The following ANO3 variants were observed in gnomAD, a reference collection of about 807,000 sequenced individuals.
The protein encoded by ANO3 is anoctamin-3.
A neutral mutation model predicts 144.8 loss-of-function variants in ANO3; 99 were observed. The observed-to-expected ratio is 0.68, with a 90% CI of 0.58 to 0.81. The LOEUF (loss-of-function observed/expected upper bound fraction) is 0.81, where lower values mean the gene tolerates loss of function less well. Ranked by LOEUF, ANO3 falls within the 30% of genes least tolerant of loss-of-function variation. The pLI is 0.00. For synonymous variants in ANO3, 414 were observed against 392.6 expected, an observed-to-expected ratio of 1.05 and a Z score of -0.64; for missense variants, 905 against 1,202.2, an observed-to-expected ratio of 0.75 and a Z score of 3.66.
chr11:26,487,222 C>T (rs1860487278), intron 4 of ANO3, among the ~76,000 whole-genome samples: 1 of 152,160 alleles, frequency 6.6e-6, no homozygotes. Flanking sequence ...CCAGTCTTTC[C>T]CACGCTATTC....
chr11:26,486,425 T>A (rs1321073189), intron 4 of ANO3, among the ~76,000 whole-genome samples: 1 of 150,942 alleles, frequency 6.6e-6, no homozygotes, highest in Non-Finnish European at 1.5e-5. Context: ...ATTCTAAAAC[T>A]ATACATTTTT....
intron 3 of ANO3, among the ~76,000 whole-genome samples, chr11:26,445,430 C>T (rs1409686147): frequency 6.6e-6 from 1 of 152,136 alleles, no homozygotes; most frequent in East Asian, 1.9e-4. Context: ...GATGGCTTGC[C>T]ATTCCAAATA....
intron 14 of ANO3, chr11:26,565,336 G>A (rs769187642): frequency 6.2e-7 from 1 of 1,612,136 alleles, no homozygotes; most frequent in Non-Finnish European, 8.5e-7. Context: ...GGAGAAGTTG[G>A]TTCTGAAGAG....
chr11:26,576,270 A>G (rs935105407), intron 14 of ANO3, among the ~76,000 whole-genome samples: 1 of 152,214 alleles, frequency 6.6e-6, no homozygotes, highest in Admixed American at 6.5e-5. Context: ...AAAGAAAGTG[A>G]CACTACTTCT....
chr11:26,266,148 A>G (rs572367749), intron 1 of ANO3, among the ~76,000 whole-genome samples: 94 of 152,282 alleles, frequency 6.2e-4, no homozygotes, highest in Admixed American at 1.6e-3. Context: ...ATTATCTAGG[A>G]GGATTTTTTT....
In ANO3 at chr11:26,335,237, T is replaced by C. The variant is rs577935459; in HGVS notation, c.46+2916T>C. ...TGTGAAATGAAGATAATTATGTCTA[T>C]CTTGCAGAGTTATAAGGTGTTTAGC... On this transcript the variant is annotated intron_variant, in intron 1 of 26. Transcript: ENST00000256737. Among the ~76,000 whole-genome samples the C allele has an allele frequency of 1.9e-3, 283 of 152,330 alleles. 1 individual carries two copies. The highest frequency in any genetic ancestry group is 6.7e-3 in the African/African-American group (278 of 41,584).
At chr11:26,319,165 C>T (rs376058873) in intron 1 of ANO3, among the ~76,000 whole-genome samples, 6 of 140,126 alleles carry the variant, frequency 4.3e-5, no homozygotes, top group East Asian at 2.5e-4. Flanking sequence ...TTATTATTAT[C>T]GTTATTATTA....
intron 1 of ANO3, among the ~76,000 whole-genome samples, chr11:26,245,577 G>A (rs74865079): frequency 0.017 from 2,613 of 152,090 alleles, 59 homozygotes; most frequent in East Asian, 0.13. Context: ...TTTAATTAAA[G>A]TTAATATACA....
chr11:26,562,214 C>G (rs1043829880), intron 14 of ANO3, among the ~76,000 whole-genome samples: 6 of 151,802 alleles, frequency 4.0e-5, no homozygotes, highest in African/African-American at 7.2e-5. Flanking sequence ...AAGAATGGTA[C>G]TTTTTGTTTT....
chr11:26,252,658 C>T (rs1186516833), intron 1 of ANO3, among the ~76,000 whole-genome samples: 1 of 152,146 alleles, frequency 6.6e-6, no homozygotes, highest in Non-Finnish European at 1.5e-5. Context: ...GAACATCCCT[C>T]TCCCCCAACA....
At chr11:26,642,349 T>C (rs1471564351) in intron 22 of ANO3, among the ~76,000 whole-genome samples, 3 of 129,144 alleles carry the variant, frequency 2.3e-5, no homozygotes, top group Admixed American at 7.3e-5. Context: ...TTTCTTTTTT[T>C]TTTTTTTTTT....
At chr11:26,550,042 T>C (rs1255534259) in intron 12 of ANO3, among the ~76,000 whole-genome samples, 1 of 151,662 alleles carries the variant, frequency 6.6e-6, no homozygotes, top group African/African-American at 2.4e-5. Context: ...GATATCCCCA[T>C]ACAAGATGAA....
chr11:26,616,910 C>G (rs1852277997), intron 17 of ANO3, among the ~76,000 whole-genome samples: 1 of 151,976 alleles, frequency 6.6e-6, no homozygotes, highest in Non-Finnish European at 1.5e-5. Flanking sequence ...GTAGCTGGGA[C>G]TACAGGCGCA....
chr11:26,394,123 C>T (rs1856946014), intron 1 of ANO3, among the ~76,000 whole-genome samples: 1 of 152,140 alleles, frequency 6.6e-6, no homozygotes, highest in Non-Finnish European at 1.5e-5. Context: ...CCATAAGCCA[C>T]TTGGTTTTAT....
At chr11:26,373,656 T>C (rs1856325066) in intron 1 of ANO3, among the ~76,000 whole-genome samples, 2 of 152,214 alleles carry the variant, frequency 1.3e-5, no homozygotes, top group Non-Finnish European at 2.9e-5. Context: ...GTTGCAGATA[T>C]ATGTATCAGT....
At chr11:26,210,747 G>C (rs1851915344) in intron 1 of ANO3, among the ~76,000 whole-genome samples, 1 of 151,228 alleles carries the variant, frequency 6.6e-6, no homozygotes, top group Non-Finnish European at 1.5e-5. Context: ...TGTAGCAATT[G>C]TAAATGGGAG....
At chr11:26,443,326 G>A (rs1177630574) in intron 2 of ANO3, among the ~76,000 whole-genome samples, 1 of 152,134 alleles carries the variant, frequency 6.6e-6, no homozygotes, top group Non-Finnish European at 1.5e-5. Context: ...TTTAGGCCAG[G>A]CATGATGGCT....
intron 1 of ANO3, among the ~76,000 whole-genome samples, chr11:26,298,770 G>T (rs975325502): frequency 6.6e-6 from 1 of 152,180 alleles, no homozygotes; most frequent in Non-Finnish European, 1.5e-5. Context: ...AGAAGTCATG[G>T]TTAGATTTCG....
At chr11:26,644,063 T>C (rs1253754996) in intron 23 of ANO3, among the ~76,000 whole-genome samples, 1 of 152,212 alleles carries the variant, frequency 6.6e-6, no homozygotes, top group Non-Finnish European at 1.5e-5. Flanking sequence ...TATTTTATTA[T>C]AGCAGCATAA....
Sources: gnomAD v4.1 joint callset for allele counts (sites outside exome capture counted in the v4.1 genomes callset) on GRCh38, gnomAD v4.1.1 for gene constraint, MANE v1.5 for transcripts, NCBI Gene and HGNC (gene_info 2026-07-23, HGNC 2026-07-21) for gene names.